The following DDAH1 variants were observed in gnomAD, a reference collection of about 807,000 sequenced individuals.
DDAH1 encodes the protein dimethylarginine dimethylaminohydrolase 1.
DDAH1 carries 19 observed loss-of-function variants against 28.8 expected under a neutral mutation model. That is an observed-to-expected ratio of 0.66 (90% CI 0.46 to 0.97). DDAH1 has a LOEUF of 0.97. Among genes scored for constraint, DDAH1 ranks in the 50% least tolerant of loss-of-function variants. DDAH1 has a pLI of 0.00. For synonymous variants in DDAH1, 153 were observed against 154.4 expected, an observed-to-expected ratio of 0.99 and a Z score of 0.07; for missense variants, 326 against 375.9, an observed-to-expected ratio of 0.87 and a Z score of 1.10.
At chr1:85,565,040 CA>C (rs560705676) in intron 1 of DDAH1, among the ~76,000 whole-genome samples, 10 of 144,768 alleles carry the variant, frequency 6.9e-5, no homozygotes, top group Admixed American at 2.1e-4. Context: ...ACTGAAAATA[CA>C]AAAAAAAAAG....
chr1:85,443,444 T>G (rs569735242), intron 1 of DDAH1, among the ~76,000 whole-genome samples: 1 of 152,296 alleles, frequency 6.6e-6, no homozygotes, highest in East Asian at 1.9e-4. Flanking sequence ...GTAGTATAGT[T>G]TGAAGTCAGG....
chr1:85,511,975 G>C (rs766536881), intron 1 of DDAH1, among the ~76,000 whole-genome samples: 2 of 152,178 alleles, frequency 1.3e-5, no homozygotes, highest in African/African-American at 4.8e-5. Context: ...TAGAAAAAGA[G>C]GGAATCCTCC....
intron 1 of DDAH1, among the ~76,000 whole-genome samples, chr1:85,538,015 T>A (rs1226154982): frequency 2.0e-5 from 3 of 152,116 alleles, no homozygotes; most frequent in African/African-American, 7.2e-5. Context: ...AATGTAGACA[T>A]CACAATCCTC....
intron 1 of DDAH1, among the ~76,000 whole-genome samples, chr1:85,551,287 C>T (rs1570667906): frequency 6.6e-6 from 1 of 152,174 alleles, no homozygotes; most frequent in African/African-American, 2.4e-5. Context: ...CTCATGATAC[C>T]TCTGGGAAAC....
intron 1 of DDAH1, among the ~76,000 whole-genome samples, chr1:85,423,861 T>C (rs1238729887): frequency 6.6e-6 from 1 of 152,206 alleles, no homozygotes; most frequent in Non-Finnish European, 1.5e-5. Context: ...CTTGCTTTGT[T>C]CCCAATATTA....
rs553138371 is a variant in DDAH1 at position 85,513,631 on chromosome 1, T to C, written c.-122-17350A>G. Among the ~76,000 whole-genome samples the C allele has an allele frequency of 3.3e-5, 5 of 152,074 alleles. No homozygotes were observed. In the South Asian group the frequency reaches 1.0e-3, roughly 32 times the overall value. On this transcript the variant is annotated intron_variant, in intron 1 of 6. Coordinates refer to the DDAH1 transcript ENST00000426972. ...ACAAAGGGCTAATATCCAGAATCTG[T>C]GATGAACTCAAACAAATTTACAAGA... is the stretch of plus-strand genomic sequence containing the variant.
chr1:85,441,208 A>T (rs1265262632), intron 1 of DDAH1, among the ~76,000 whole-genome samples: 4 of 152,202 alleles, frequency 2.6e-5, no homozygotes, highest in African/African-American at 9.6e-5. Flanking sequence ...ACAGCACACA[A>T]GGAAGGAAAG....
At chr1:85,444,725 G>T (rs1654355786) in intron 1 of DDAH1, among the ~76,000 whole-genome samples, 1 of 152,148 alleles carries the variant, frequency 6.6e-6, no homozygotes, top group South Asian at 2.1e-4. Context: ...GAAGTGAAAA[G>T]GTCACAGGTG....
chr1:85,391,871 G>A (rs1054053520), intron 1 of DDAH1, among the ~76,000 whole-genome samples: 1 of 152,154 alleles, frequency 6.6e-6, no homozygotes, highest in Non-Finnish European at 1.5e-5. Flanking sequence ...ATTATAAACA[G>A]GCTGTCTACC....
At chr1:85,470,483 G>C (rs1332822494) in intron 2 of DDAH1, among the ~76,000 whole-genome samples, 2 of 152,192 alleles carry the variant, frequency 1.3e-5, no homozygotes, top group African/African-American at 4.8e-5. Flanking sequence ...AGATTTGGGT[G>C]GGGACAGAAC....
At chr1:85,481,267 T>C (rs1656006766) in intron 2 of DDAH1, among the ~76,000 whole-genome samples, 1 of 151,954 alleles carries the variant, frequency 6.6e-6, no homozygotes, top group Non-Finnish European at 1.5e-5. Context: ...CCAGCTACTT[T>C]TTGTATTTTT....
chr1:85,452,486 T>A (rs1654706780), intron 1 of DDAH1, among the ~76,000 whole-genome samples: 1 of 152,200 alleles, frequency 6.6e-6, no homozygotes, highest in Non-Finnish European at 1.5e-5. Flanking sequence ...TATTATGGGT[T>A]GCGAATACAC....
intron 1 of DDAH1, among the ~76,000 whole-genome samples, chr1:85,460,409 G>A (rs1336043397): frequency 5.3e-5 from 8 of 152,156 alleles, no homozygotes; most frequent in Non-Finnish European, 1.2e-4. Context: ...TCTTCCTGAA[G>A]AGGCCCCTAC....
At chr1:85,500,031 C>T (rs1355111043) in intron 1 of DDAH1, among the ~76,000 whole-genome samples, 2 of 145,816 alleles carry the variant, frequency 1.4e-5, no homozygotes, top group Non-Finnish European at 3.1e-5. Flanking sequence ...TGTTTTTCTT[C>T]TTCCCCTTCC....
intron 1 of DDAH1, among the ~76,000 whole-genome samples, chr1:85,420,637 C>T (rs573155219): frequency 6.6e-6 from 1 of 152,304 alleles, no homozygotes; most frequent in African/African-American, 2.4e-5. Flanking sequence ...CCTTGGTAGC[C>T]TGGACTTCAC....
chr1:85,415,483 T>C (rs1652850640), intron 1 of DDAH1, among the ~76,000 whole-genome samples: 1 of 152,184 alleles, frequency 6.6e-6, no homozygotes, highest in African/African-American at 2.4e-5. Context: ...AGTTTATTAA[T>C]TGCAGGGTTG....
At chr1:85,572,077 A>T (rs1249086953) in intron 1 of DDAH1, among the ~76,000 whole-genome samples, 1 of 152,118 alleles carries the variant, frequency 6.6e-6, no homozygotes, top group Non-Finnish European at 1.5e-5. Flanking sequence ...AACAAAATTG[A>T]TGGTGATGAC....
At chr1:85,578,161 C>A (rs963608701) in exon 1 of DDAH1, 1 of 180,312 alleles carries the variant, frequency 5.5e-6, no homozygotes, top group Non-Finnish European at 1.1e-5. Flanking sequence ...CGCAACAGCA[C>A]ATGGTATATG....
At chr1:85,427,915 C>T (rs758931242) in intron 1 of DDAH1, among the ~76,000 whole-genome samples, 29 of 152,132 alleles carry the variant, frequency 1.9e-4, no homozygotes, top group Non-Finnish European at 3.4e-4. Context: ...CAAATGTCTC[C>T]TCTAATAGTG....
Sources: gnomAD v4.1 joint callset for allele counts (sites outside exome capture counted in the v4.1 genomes callset) on GRCh38, gnomAD v4.1.1 for gene constraint, MANE v1.5 for transcripts, NCBI Gene and HGNC (gene_info 2026-07-23, HGNC 2026-07-21) for gene names.